Variants in TCF12 observed in about 807,000 individuals in gnomAD.
TCF12 encodes the protein transcription factor 12, also known as DNA-binding protein HTF4.
A neutral mutation model predicts 86.0 loss-of-function variants in TCF12; 45 were observed. The ratio of observed to expected loss-of-function variants is 0.52; its 90% CI spans 0.41 to 0.67. The LOEUF (loss-of-function observed/expected upper bound fraction) is 0.67. TCF12 is among the 30% of genes least tolerant of loss of function. The pLI is 0.00. For missense variants in TCF12, 881 were observed against 859.9 expected (o/e 1.02, Z -0.31); for synonymous variants, 330 against 299.6 (o/e 1.10, Z -1.05).
At chr15:57,247,105 C>T in intron 13 of TCF12, 1 of 574,978 alleles carries the variant, frequency 1.7e-6, no homozygotes, top group Non-Finnish European at 3.3e-6. Flanking sequence ...TTCCCACCAC[C>T]ACCGTAGTTA....
intron 3 of TCF12, among the ~76,000 whole-genome samples, chr15:57,040,791 A>G: frequency 6.6e-6 from 1 of 152,190 alleles, no homozygotes; most frequent in East Asian, 1.9e-4. Context: ...GAAAAATTGC[A>G]TTTAGGGTAA....
At chr15:57,122,432 C>T (rs1252605682) in intron 5 of TCF12, among the ~76,000 whole-genome samples, 1 of 152,124 alleles carries the variant, frequency 6.6e-6, no homozygotes. Context: ...ACCTGTAAGC[C>T]AGGCATTGTA....
At chr15:57,284,131 CAGTA>C (rs1437858326) in intron 20 of TCF12, among the ~76,000 whole-genome samples, 2 of 152,118 alleles carry the variant, frequency 1.3e-5, no homozygotes, top group African/African-American at 2.4e-5. Context: ...TACTATGAAA[CAGTA>C]AGTATTTTTG....
chr15:57,187,932 C>T (rs985322644), intron 6 of TCF12, among the ~76,000 whole-genome samples: 4 of 151,212 alleles, frequency 2.6e-5, no homozygotes, highest in Non-Finnish European at 5.9e-5. Flanking sequence ...AGTGAGACTC[C>T]ATCTCAAAAA....
At chr15:56,998,409 A>G (rs187881818) in intron 3 of TCF12, among the ~76,000 whole-genome samples, 262 of 143,978 alleles carry the variant, frequency 1.8e-3, no homozygotes, top group African/African-American at 6.2e-3. Flanking sequence ...GTGAGCCAAG[A>G]TTGTGCCACT....
chr15:57,043,205 A>C (rs1018841120), intron 3 of TCF12, among the ~76,000 whole-genome samples: 13 of 152,204 alleles, frequency 8.5e-5, no homozygotes, highest in Non-Finnish European at 1.5e-4. Context: ...GTAGACATTT[A>C]GGTTATTTCT....
rs564460707 is a variant in TCF12 at position 56,925,820 on chromosome 15, ATTGT to A, written c.148+4727_148+4730del. 1.2e-3 allele frequency among the ~76,000 whole-genome samples: 184 copies of A among 150,980 alleles called. 1 individual carries two copies. The highest frequency in any genetic ancestry group is 4.1e-3 in the African/African-American group (167 of 40,322). ...GGGAATGTTGAAATTGCAAATCTAA[ATTGT>A]TTGTGTTTAGGGAAGATAATGAGAA... On this transcript the variant is annotated intron_variant, in intron 3 of 20. Transcript: ENST00000333725.
intron 18 of TCF12, among the ~76,000 whole-genome samples, chr15:57,263,478 C>G (rs2060686103): frequency 6.6e-6 from 1 of 152,026 alleles, no homozygotes; most frequent in Non-Finnish European, 1.5e-5. Context: ...TTATGTTTTC[C>G]TTCATACTAT....
chr15:57,262,520 T>C (rs774785558), intron 17 of TCF12, among the ~76,000 whole-genome samples: 1 of 152,196 alleles, frequency 6.6e-6, no homozygotes, highest in Non-Finnish European at 1.5e-5. Flanking sequence ...TCATGGTCTT[T>C]AGAGGCATTG....
chr15:56,964,990 A>G (rs1204816890), intron 3 of TCF12, among the ~76,000 whole-genome samples: 1 of 152,204 alleles, frequency 6.6e-6, no homozygotes, highest in Admixed American at 6.5e-5. Context: ...CCCAACCACT[A>G]TTCATTTAAA....
At chr15:56,990,254 T>C (rs975387507) in intron 3 of TCF12, among the ~76,000 whole-genome samples, 1 of 135,776 alleles carries the variant, frequency 7.4e-6, no homozygotes, top group Non-Finnish European at 1.5e-5. Flanking sequence ...TGTGTGCGTG[T>C]GCGTGTGTGT....
chr15:56,940,564 C>T lies in TCF12; in HGVS notation c.148+19466C>T, dbSNP rs553199382. Among the ~76,000 whole-genome samples the T allele has an allele frequency of 1.4e-3, 194 of 139,680 alleles. 2 individuals are homozygous for T. The highest frequency in any genetic ancestry group is 4.8e-3 in the African/African-American group (178 of 36,944). 91.6% of individuals were successfully genotyped at this position (139,680 alleles called of 152,430 possible). Reference sequence around the variant, plus strand: ...CTCCTTCTTCTTCCTTTTCCTCTTCCTCTTCTTCTTCTTCTCCTTCTCCTC... The same window carrying T: ...CTCCTTCTTCTTCCTTTTCCTCTTCTTCTTCTTCTTCTTCTCCTTCTCCTC... On this transcript the variant is annotated intron_variant, in intron 3 of 20. Coordinates refer to ENST00000333725, the MANE Select transcript of TCF12 (RefSeq NM_207037.2).
chr15:57,003,976 A>G (rs138352578), intron 3 of TCF12, among the ~76,000 whole-genome samples: 346 of 152,290 alleles, frequency 2.3e-3, no homozygotes, highest in Non-Finnish European at 3.8e-3. Flanking sequence ...CTTACATGGT[A>G]GTGCATCAGT....
intron 8 of TCF12, among the ~76,000 whole-genome samples, chr15:57,209,308 G>C (rs1304391383): frequency 1.3e-5 from 2 of 152,068 alleles, no homozygotes; most frequent in African/African-American, 4.8e-5. Flanking sequence ...ACCAAAATAG[G>C]AGCATTTTAC....
intron 3 of TCF12, among the ~76,000 whole-genome samples, chr15:56,962,738 C>T (rs535052359): frequency 1.3e-5 from 2 of 152,244 alleles, no homozygotes; most frequent in South Asian, 4.1e-4. Context: ...AGAATTGCAA[C>T]TCCTGAGACA....
At chr15:56,929,365 T>C (rs1465721930) in intron 3 of TCF12, among the ~76,000 whole-genome samples, 1 of 152,256 alleles carries the variant, frequency 6.6e-6, no homozygotes, top group Non-Finnish European at 1.5e-5. Flanking sequence ...GAAGCACAGA[T>C]AGTTTTGTTA....
At chr15:57,166,491 A>G in intron 6 of TCF12, 25 bp downstream of exon 6, 2 of 1,600,764 alleles carry the variant, frequency 1.2e-6, no homozygotes, top group Non-Finnish European at 8.5e-7. Context: ...TAAAAAAAGC[A>G]ATGAGATGGT....
At chr15:57,006,085 T>C (rs1202066372) in intron 3 of TCF12, among the ~76,000 whole-genome samples, 1 of 152,224 alleles carries the variant, frequency 6.6e-6, no homozygotes. Flanking sequence ...GCAATGTCTG[T>C]CATAGTACCA....
intron 5 of TCF12, among the ~76,000 whole-genome samples, chr15:57,111,229 G>A (rs1244809961): frequency 1.3e-5 from 2 of 152,086 alleles, no homozygotes; most frequent in Non-Finnish European, 2.9e-5. Context: ...CCTGGACGGA[G>A]TCATGGAGTG....
Sources: gnomAD v4.1 joint callset for allele counts (sites outside exome capture counted in the v4.1 genomes callset) on GRCh38, gnomAD v4.1.1 for gene constraint, MANE v1.5 for transcripts, NCBI Gene and HGNC (gene_info 2026-07-23, HGNC 2026-07-21) for gene names.